The following ADGRV1 variants were observed in gnomAD, a reference collection of about 807,000 sequenced individuals.
ADGRV1 encodes the protein adhesion G protein-coupled receptor V1, also known as G-protein coupled receptor 98.
A neutral mutation model predicts 596.2 loss-of-function variants in ADGRV1; 359 were observed. The ratio of observed to expected loss-of-function variants is 0.60; its 90% confidence interval spans 0.55 to 0.66. ADGRV1 has a LOEUF of 0.66. ADGRV1 is among the 30% of genes least tolerant of loss of function. The pLI is 0.00. For synonymous variants in ADGRV1, 2,681 were observed against 2,679.2 expected, an observed-to-expected ratio of 1.00 and a Z score of -0.02; for missense variants, 7,274 against 7,575.6, an observed-to-expected ratio of 0.96 and a Z score of 1.48.
At chr5:90,603,935 C>T (rs1211822459) in intron 1 of ADGRV1, among the ~76,000 whole-genome samples, 6 of 145,732 alleles carry the variant, frequency 4.1e-5, no homozygotes, top group African/African-American at 1.5e-4. Context: ...CATGCACGCT[C>T]ACCACCTTGT....
At chr5:91,035,861 T>TATATAATATATATA in intron 85 of ADGRV1, among the ~76,000 whole-genome samples, 9 of 96,396 alleles carry the variant, frequency 9.3e-5, no homozygotes, top group African/African-American at 1.5e-4. Flanking sequence ...TATATATATA[T>TATATAATATATATA]TATATATATA....
chr5:91,111,601 G>A lies in ADGRV1; in HGVS notation c.18432+9261G>A, dbSNP rs577163488. ...ACATTGTTAAATAATCAGTTACAGAGGACTAATTGTTTCAAGGCACTCCCT... is the reference window on the plus strand; with the variant it reads ...ACATTGTTAAATAATCAGTTACAGAAGACTAATTGTTTCAAGGCACTCCCT... On this transcript the variant is annotated intron_variant, in intron 87 of 89. Coordinates refer to ENST00000405460, the MANE Select transcript of ADGRV1 (RefSeq NM_032119.4). Among the ~76,000 whole-genome samples the A allele has an allele frequency of 2.6e-5, 4 of 152,240 alleles. 1 individual carries two copies. The highest frequency in any genetic ancestry group is 4.8e-5 in the African/African-American group (2 of 41,526).
intron 76 of ADGRV1, among the ~76,000 whole-genome samples, chr5:90,825,306 C>A (rs1341004356): frequency 1.3e-5 from 2 of 152,142 alleles, no homozygotes; most frequent in Non-Finnish European, 2.9e-5. Context: ...CCCATGAAAC[C>A]TCTAGTTGGA....
At chr5:90,731,783 C>A (rs1752581098) in intron 50 of ADGRV1, among the ~76,000 whole-genome samples, 1 of 152,114 alleles carries the variant, frequency 6.6e-6, no homozygotes, top group Non-Finnish European at 1.5e-5. Flanking sequence ...AGAATCTATT[C>A]ATATTTATTG....
Position 90,611,459 on chromosome 5 carries a change from TC to T in ADGRV1, c.23-3375del, listed in dbSNP as rs1180964182. On this transcript the variant is annotated intron_variant, in intron 1 of 89. Transcript: ENST00000405460. The stretch of plus-strand genomic sequence containing the variant: ...TATAGTGGAAGAAAGAGTTTTAATT[TC>T]TTTTGAATCATACAAAACAAAAGTG... 2.6e-4 allele frequency among the ~76,000 whole-genome samples: 39 copies of T among 152,132 alleles called. No individual in the cohort carries two copies. In the East Asian group the frequency reaches 5.8e-3, roughly 23 times the overall value.
chr5:90,764,517 T>A (rs1756872890), intron 59 of ADGRV1, among the ~76,000 whole-genome samples: 3 of 152,220 alleles, frequency 2.0e-5, no homozygotes, highest in African/African-American at 7.2e-5. Context: ...GAGTGGGAGA[T>A]GACTCCCTCT....
intron 85 of ADGRV1, among the ~76,000 whole-genome samples, chr5:91,056,684 T>C (rs1241649609): frequency 6.6e-6 from 1 of 152,114 alleles, no homozygotes; most frequent in African/African-American, 2.4e-5. Flanking sequence ...TCTCACTTGG[T>C]CATTGTCAAC....
chr5:90,568,806 T>C (rs1268312541), intron 1 of ADGRV1, among the ~76,000 whole-genome samples: 1 of 152,222 alleles, frequency 6.6e-6, no homozygotes, highest in African/African-American at 2.4e-5. Flanking sequence ...TTTATGTGCC[T>C]GTAGGTTTAC....
chr5:90,902,610 G>A (rs1055238200), intron 83 of ADGRV1, among the ~76,000 whole-genome samples: 6 of 152,106 alleles, frequency 3.9e-5, no homozygotes, highest in Non-Finnish European at 8.8e-5. Flanking sequence ...GAGGGCAATT[G>A]TTGTCTTACT....
intron 83 of ADGRV1, among the ~76,000 whole-genome samples, chr5:90,868,814 A>G (rs1768386441): frequency 6.6e-6 from 1 of 152,122 alleles, no homozygotes; most frequent in Non-Finnish European, 1.5e-5. Flanking sequence ...TTATTAAACT[A>G]TTTGACTCAA....
In ADGRV1 at chr5:90,855,813, CAT is replaced by C. The variant is rs757696771; in HGVS notation, c.17668_17669del (p.Met5890ValfsTer10). On this transcript the variant is annotated frameshift_variant, in exon 82 of 90. Coordinates refer to ENST00000405460, the MANE Select transcript of ADGRV1 (RefSeq NM_032119.4). LOFTEE classifies it high-confidence loss of function. ...ADYVECACSH[M>X]SVYAVYARTD... ...ACTATGTGGAATGTGCCTGTTCACACATGTCTGTGTATGCTGTCTATGCTCGG... is the reference window on the plus strand; with the variant it reads ...ACTATGTGGAATGTGCCTGTTCACACGTCTGTGTATGCTGTCTATGCTCGG... The C allele has an allele frequency of 7.7e-5, 124 of 1,609,926 alleles. No homozygotes were observed. The highest frequency in any genetic ancestry group is 2.2e-4 in the Admixed American group (13 of 59,858).
intron 45 of ADGRV1, among the ~76,000 whole-genome samples, chr5:90,723,776 A>T (rs930260211): frequency 6.6e-6 from 1 of 152,212 alleles, no homozygotes; most frequent in Non-Finnish European, 1.5e-5. Flanking sequence ...TTCAACCTTG[A>T]TAGTTGTTCT....
intron 76 of ADGRV1, among the ~76,000 whole-genome samples, chr5:90,824,478 G>A (rs776526714): frequency 6.6e-6 from 1 of 152,162 alleles, no homozygotes; most frequent in Non-Finnish European, 1.5e-5. Flanking sequence ...TGGTAGTGCT[G>A]GAAAATATAT....
chr5:90,714,975 AAAAC>A (rs1408648740), intron 42 of ADGRV1, among the ~76,000 whole-genome samples: 5 of 152,240 alleles, frequency 3.3e-5, no homozygotes, highest in African/African-American at 4.8e-5. Context: ...TGAGATCTAT[AAAAC>A]AAACAAACTA....
chr5:91,023,208 A>G (rs1205914658), intron 85 of ADGRV1, among the ~76,000 whole-genome samples: 2 of 152,182 alleles, frequency 1.3e-5, no homozygotes, highest in East Asian at 3.9e-4. Context: ...CTTATATATT[A>G]AAAACACTCT....
chr5:90,649,881 A>G (rs1334044293), intron 17 of ADGRV1, among the ~76,000 whole-genome samples: 1 of 152,178 alleles, frequency 6.6e-6, no homozygotes, highest in Non-Finnish European at 1.5e-5. Context: ...AGAGAGAGAG[A>G]GAGAGAGGGA....
In ADGRV1 at chr5:91,164,119, G is replaced by T. The variant is rs1335700491; in HGVS notation, c.*219G>T. On this transcript the variant is annotated 3_prime_UTR_variant, in exon 90 of 90. Coordinates refer to ENST00000405460, the MANE Select transcript of ADGRV1 (RefSeq NM_032119.4). ...TGGAGTCAGTTTGTATCAGTTAATA[G>T]GATGTTCATATTCCAAGGATATTAG... 1 of 633,866 alleles carries T rather than the reference G, an allele frequency of 1.6e-6. No individual in the cohort carries two copies. Among genetic ancestry groups the T allele is most frequent in the East Asian group, 3.0e-5 (1 of 33,460 alleles). The allele number at this position is 633,866 out of a possible 1,614,324, so 39.3% of individuals were successfully genotyped here.
intron 1 of ADGRV1, among the ~76,000 whole-genome samples, chr5:90,612,453 C>G (rs933544802): frequency 1.3e-5 from 2 of 151,908 alleles, no homozygotes; most frequent in African/African-American, 2.4e-5. Flanking sequence ...AATGGCAGTA[C>G]AGTGTGGTTA....
At chr5:91,044,947 G>A (rs1246548852) in intron 85 of ADGRV1, among the ~76,000 whole-genome samples, 1 of 152,150 alleles carries the variant, frequency 6.6e-6, no homozygotes, top group Non-Finnish European at 1.5e-5. Flanking sequence ...GATGTAGGAA[G>A]ATTATTGTGG....
Sources: gnomAD v4.1 joint callset for allele counts (sites outside exome capture counted in the v4.1 genomes callset) on GRCh38, gnomAD v4.1.1 for gene constraint, MANE v1.5 for transcripts, NCBI Gene and HGNC (gene_info 2026-07-23, HGNC 2026-07-21) for gene names.